SERAC1: variants seen among roughly 807,000 people sequenced by gnomAD.
The protein encoded by SERAC1 is protein SERAC1.
A neutral mutation model predicts 85.7 loss-of-function variants in SERAC1; 36 were observed. The observed-to-expected ratio is 0.42, with a 90% CI of 0.32 to 0.55. SERAC1 has a LOEUF of 0.55. Among genes scored for constraint, SERAC1 ranks in the 20% least tolerant of loss-of-function variants. The pLI is 0.11. For missense variants in SERAC1, 629 were observed against 796.2 expected (o/e 0.79, Z 2.53); for synonymous variants, 242 against 265.3 (o/e 0.91, Z 0.85).
Position 158,117,279 on chromosome 6 carries a change from T to G in SERAC1, c.1403+448A>C. 1 of 538,954 alleles carries G rather than the reference T, an allele frequency of 1.9e-6. No individual in the cohort carries two copies. 33.4% of individuals were successfully genotyped at this position (538,954 alleles called of 1,614,324 possible). On this transcript the variant is annotated intron_variant, in intron 13 of 16. Coordinates refer to ENST00000647468, the MANE Select transcript of SERAC1 (RefSeq NM_032861.4). The surrounding 1 kb of genome is among the most constrained non-coding windows in gnomAD (Gnocchi z 4.3). ...AAAGGTAGGATCCGGCTACTCTCAG[T>G]CCAGTAACTCTGAAATCCAGCACTC...
chr6:158,137,118 A>T (rs540563808), intron 8 of SERAC1, among the ~76,000 whole-genome samples: 4 of 151,720 alleles, frequency 2.6e-5, no homozygotes, highest in Non-Finnish European at 5.9e-5. Flanking sequence ...AGATCAAGCC[A>T]CTGCACCCCA....
chr6:158,150,805 T>C (rs536182926), intron 3 of SERAC1, among the ~76,000 whole-genome samples: 1 of 152,314 alleles, frequency 6.6e-6, no homozygotes, highest in East Asian at 1.9e-4. Flanking sequence ...CTCATAAGAT[T>C]ATAATGGAGC....
At chr6:158,125,596 G>A (rs1391868384) in intron 10 of SERAC1, among the ~76,000 whole-genome samples, 9 of 152,136 alleles carry the variant, frequency 5.9e-5, no homozygotes, top group African/African-American at 2.2e-4. Context: ...AGGCACAGTG[G>A]CCCAAACATA....
intron 10 of SERAC1, among the ~76,000 whole-genome samples, chr6:158,122,979 G>T (rs1229361334): frequency 6.6e-6 from 1 of 152,066 alleles, no homozygotes; most frequent in African/African-American, 2.4e-5. Context: ...AGACATTTAG[G>T]TTGCTCCAAC....
chr6:158,150,390 G>A (rs1193676171), intron 4 of SERAC1, 63 bp downstream of exon 4: 26 of 1,302,974 alleles, frequency 2.0e-5, no homozygotes, highest in African/African-American at 3.0e-5. Flanking sequence ...TTAAATAGAC[G>A]CATTTTTAAA....
At chr6:158,129,930 A>G (rs1562442101) in intron 9 of SERAC1, among the ~76,000 whole-genome samples, 1 of 152,160 alleles carries the variant, frequency 6.6e-6, no homozygotes. Context: ...TCCTGACCTC[A>G]GGTGACCCAC....
At chr6:158,158,472 G>T in intron 1 of SERAC1, 108 bp from the exon 2 acceptor site, 1 of 720,548 alleles carries the variant, frequency 1.4e-6, no homozygotes, top group Non-Finnish European at 2.2e-6. Context: ...CACAGAGTTA[G>T]CTTTTTCAAG....
At chr6:158,152,760 T>G (rs1785237293) in intron 3 of SERAC1, 2 of 152,200 alleles carry the variant, frequency 1.3e-5, no homozygotes, top group African/African-American at 4.8e-5. Context: ...GCCTACCGTG[T>G]TCAGCACAGT....
chr6:158,156,933 TA>T (rs914236234), intron 2 of SERAC1, among the ~76,000 whole-genome samples: 6 of 134,416 alleles, frequency 4.5e-5, no homozygotes, highest in African/African-American at 1.6e-4. Context: ...TTAATATATT[TA>T]TATAGATATT....
At chr6:158,147,031 T>A in intron 5 of SERAC1, 118 bp from the exon 6 acceptor site, 1 of 971,674 alleles carries the variant, frequency 1.0e-6, no homozygotes, top group Non-Finnish European at 1.5e-6. Context: ...AATCCATATA[T>A]ATAGGTATTG....
chr6:158,132,338 ATAT>A (rs1201999408), intron 8 of SERAC1, among the ~76,000 whole-genome samples: 1 of 152,102 alleles, frequency 6.6e-6, no homozygotes, highest in Non-Finnish European at 1.5e-5. Context: ...CTCGTATATA[ATAT>A]TATTTTTTTC....
At chr6:158,140,145 G>A (rs1229702437) in intron 8 of SERAC1, among the ~76,000 whole-genome samples, 1 of 152,140 alleles carries the variant, frequency 6.6e-6, no homozygotes, top group East Asian at 1.9e-4. Flanking sequence ...CTCTACCCCT[G>A]GTTCCCTCCA....
At chr6:158,116,622 C>G (rs1459811151) in intron 13 of SERAC1, 2 of 199,482 alleles carry the variant, frequency 1.0e-5, no homozygotes, top group East Asian at 2.6e-4. Context: ...AAGCCCAGAA[C>G]AGGCCATTCA....
At position 158,128,259 on chromosome 6, in the gene SERAC1, A is replaced by G. The variant is rs780565695; in HGVS notation, c.864T>C (p.His288=). ...AIVKHSEIST[H]CDKIEANGGL... ...CTCCATTTGCTTCGATTTTATCACA[A>G]TGTGTGGATATCTGGCACAATAAAT... Residue 288 remains histidine (H), a synonymous_variant, in exon 10 of 17, where the codon CAT becomes CAC. Coordinates refer to ENST00000647468, the MANE Select transcript of SERAC1 (RefSeq NM_032861.4). The G allele has an allele frequency of 1.9e-6, 3 of 1,613,560 alleles. No individual in the cohort carries two copies. Among genetic ancestry groups the G allele is most frequent in the Non-Finnish European group, 2.5e-6 (3 of 1,179,806 alleles).
Position 158,155,332 on chromosome 6 carries a change from A to G in SERAC1, c.111T>C (p.Thr37=), listed in dbSNP as rs1217610936. Reference sequence around the variant, plus strand: ...CGACTTACCCTAAAATAAGTGATCCAGTAAACTTTATTATATTTCCTTCAA... The same window carrying G: ...CGACTTACCCTAAAATAAGTGATCCGGTAAACTTTATTATATTTCCTTCAA... The part of the protein sequence containing the change: ...WRDIRNIIKF[T]GSLILGGSLF... The change falls in exon 3 of 17, where the codon ACT becomes ACC. Residue 37 remains threonine, a synonymous_variant. Coordinates refer to ENST00000647468, the MANE Select transcript of SERAC1 (RefSeq NM_032861.4). The G allele has an allele frequency of 1.3e-6, 2 of 1,553,160 alleles. No individual in the cohort carries two copies. The highest frequency in any genetic ancestry group is 1.8e-6 in the Non-Finnish European group (2 of 1,126,354).
chr6:158,146,659 C>A, intron 6 of SERAC1, 123 bp downstream of exon 6: 2 of 1,187,474 alleles, frequency 1.7e-6, no homozygotes, highest in Non-Finnish European at 2.4e-6. Flanking sequence ...ATCCAACCAG[C>A]GTGGCCTCCC....
intron 8 of SERAC1, among the ~76,000 whole-genome samples, chr6:158,136,417 T>C (rs893208506): frequency 6.6e-5 from 10 of 152,234 alleles, no homozygotes; most frequent in African/African-American, 2.2e-4. Flanking sequence ...TTAAGAACCC[T>C]GTTCCAAAAC....
intron 8 of SERAC1, among the ~76,000 whole-genome samples, chr6:158,141,154 C>G (rs1784906209): frequency 6.6e-6 from 1 of 152,188 alleles, no homozygotes; most frequent in Admixed American, 6.5e-5. Context: ...GTGGCTGAGC[C>G]TTGAAAACAT....
rs768860974 is a variant in SERAC1 at position 158,113,408 on chromosome 6, T to C, written c.1828+41A>G. On this transcript the variant is annotated intron_variant, in intron 16 of 16. Coordinates refer to ENST00000647468, the MANE Select transcript of SERAC1 (RefSeq NM_032861.4). ...GTTTACAAGTAAATGCTAGGTATAA[T>C]TAAGCATCTAACAGCCAACAAGTTT... 5.1e-6 allele frequency: 8 copies of C among 1,563,728 alleles called. No individual in the cohort carries two copies. The African/African-American group carries it at 6.8e-5, about 13-fold the overall frequency.
Sources: gnomAD v4.1 joint callset for allele counts (sites outside exome capture counted in the v4.1 genomes callset) on GRCh38, gnomAD v4.1.1 for gene constraint, Gnocchi (gnomAD v3.1) non-coding constraint, MANE v1.5 for transcripts, NCBI Gene and HGNC (gene_info 2026-07-23, HGNC 2026-07-21) for gene names.